The following INSL6 variants were observed in gnomAD, a reference collection of about 807,000 sequenced individuals.
INSL6 encodes insulin like 6, also known as insulin-like peptide INSL6.
INSL6 carries 16 observed loss-of-function variants against 9.4 expected under a neutral mutation model. The observed-to-expected ratio is 1.70, with a 90% CI of 1.15 to 2.59. The LOEUF (loss-of-function observed/expected upper bound fraction) is 2.59, where lower values mean the gene tolerates loss of function less well. INSL6 is among the 30% of genes most tolerant of loss of function. The pLI is 0.00. For synonymous variants in INSL6, 154 were observed against 96.9 expected, an observed-to-expected ratio of 1.59 and a Z score of -3.46; for missense variants, 391 against 257.3, an observed-to-expected ratio of 1.52 and a Z score of -3.56.
At chr9:5,104,206 A>T in the INSL6 span, among the ~76,000 whole-genome samples, 1 of 152,172 alleles carries the variant, frequency 6.6e-6, no homozygotes, top group Non-Finnish European at 1.5e-5. Context: ...AATCAAATAG[A>T]GGGAATAAAA....
the INSL6 span, chr9:5,111,711 TGCACCA>T: frequency 2.3e-6 from 1 of 432,382 alleles, no homozygotes; most frequent in Non-Finnish European, 4.6e-6. Context: ...TTTGGCGGCC[TGCACCA>T]GCACGAGCGC....
the INSL6 span, among the ~76,000 whole-genome samples, chr9:5,117,833 CGTTGT>C: frequency 1.3e-5 from 2 of 152,014 alleles, no homozygotes; most frequent in African/African-American, 4.8e-5. Flanking sequence ...ACAGAGGGGA[CGTTGT>C]ATTAATGAGA....
intron 1 of INSL6, among the ~76,000 whole-genome samples, chr9:5,174,013 C>G (rs554927435): frequency 6.6e-6 from 1 of 152,308 alleles, no homozygotes; most frequent in Non-Finnish European, 1.5e-5. Context: ...CCCTTTCTAC[C>G]TATTTCTACA....
chr9:5,098,512 C>T, the INSL6 span: 7 of 152,080 alleles, frequency 4.6e-5, no homozygotes, highest in Non-Finnish European at 1.0e-4. Flanking sequence ...ACCACAGATG[C>T]CCAAGAAATT....
chr9:5,126,830 A>G lies in INSL6; in HGVS notation c.*11-2319T>C, dbSNP rs535968745. ...CATTCTGAGACCAAAGTAGATTTACAGAACAAAGTTTTATATTTCACATTG... is the reference window on the plus strand; with the variant it reads ...CATTCTGAGACCAAAGTAGATTTACGGAACAAAGTTTTATATTTCACATTG... On this transcript the variant is annotated intron_variant, in intron 3 of 3. Coordinates refer to the INSL6 transcript ENST00000649639. 21 of 1,283,844 alleles carry G rather than the reference A, an allele frequency of 1.6e-5. No individual in the cohort carries two copies. The African/African-American group carries it at 2.2e-4, about 14-fold the overall frequency. 79.5% of individuals were successfully genotyped at this position (1,283,844 alleles called of 1,614,324 possible).
At chr9:5,091,144 G>A in the INSL6 span, 9 of 334,452 alleles carry the variant, frequency 2.7e-5, no homozygotes, top group Non-Finnish European at 3.2e-5. Flanking sequence ...AGGGATTGTA[G>A]GTTTTTCTTC....
At chr9:5,086,445 T>C in the INSL6 span, among the ~76,000 whole-genome samples, 1 of 152,244 alleles carries the variant, frequency 6.6e-6, no homozygotes, top group African/African-American at 2.4e-5. Context: ...ATCAGCATCA[T>C]TCTCAATCTT....
chr9:5,077,682 G>A, the INSL6 span: 1 of 645,458 alleles, frequency 1.5e-6, no homozygotes, highest in Non-Finnish European at 2.4e-6. Flanking sequence ...GTAATTGGAT[G>A]CCAATTCATG....
the INSL6 span, among the ~76,000 whole-genome samples, chr9:5,105,029 A>G: frequency 1.3e-5 from 2 of 152,238 alleles, no homozygotes; most frequent in Non-Finnish European, 1.5e-5. Context: ...CACCATTCCT[A>G]TTCAACACTG....
chr9:5,053,224 A>G, the INSL6 span, among the ~76,000 whole-genome samples: 1 of 152,052 alleles, frequency 6.6e-6, no homozygotes, highest in African/African-American at 2.4e-5. Context: ...TCTAATGACT[A>G]CTGATGTTTG....
At chr9:5,146,341 G>A (rs1824602142) in intron 2 of INSL6, among the ~76,000 whole-genome samples, 1 of 152,140 alleles carries the variant, frequency 6.6e-6, no homozygotes, top group South Asian at 2.1e-4. Context: ...TGTGGCAGCT[G>A]CATCGGAGTG....
chr9:5,156,550 A>C (rs1824817264), intron 2 of INSL6, among the ~76,000 whole-genome samples: 1 of 152,302 alleles, frequency 6.6e-6, no homozygotes, highest in African/African-American at 2.4e-5. Flanking sequence ...ATTAAAAAAA[A>C]ATTCTCAGCA....
the INSL6 span, among the ~76,000 whole-genome samples, chr9:5,020,334 G>A: frequency 6.6e-6 from 1 of 152,162 alleles, no homozygotes; most frequent in Non-Finnish European, 1.5e-5. Context: ...CGATCCCAAG[G>A]CCCCCAGATA....
chr9:5,091,125 C>G, the INSL6 span: 2 of 394,662 alleles, frequency 5.1e-6, no homozygotes, highest in Non-Finnish European at 4.5e-6. Context: ...TAAGTGTTGT[C>G]TTATTTATAG....
intron 1 of INSL6, among the ~76,000 whole-genome samples, chr9:5,184,517 T>C (rs999020641): frequency 5.9e-5 from 9 of 152,202 alleles, no homozygotes; most frequent in Non-Finnish European, 1.0e-4. Flanking sequence ...ATTAAACACA[T>C]GCGATGTGCT....
At chr9:5,024,281 A>G in the INSL6 span, among the ~76,000 whole-genome samples, 3 of 152,150 alleles carry the variant, frequency 2.0e-5, no homozygotes, top group Non-Finnish European at 4.4e-5. Context: ...TTTGGCTTGT[A>G]AGATTCATTT....
the INSL6 span, among the ~76,000 whole-genome samples, chr9:5,116,883 G>A: frequency 1.3e-5 from 2 of 152,196 alleles, no homozygotes; most frequent in Admixed American, 1.3e-4. Context: ...ATAAGTGTAA[G>A]TGCAATAATT....
the INSL6 span, among the ~76,000 whole-genome samples, chr9:5,038,636 T>C: frequency 7.3e-5 from 11 of 150,850 alleles, no homozygotes; most frequent in Non-Finnish European, 1.5e-4. Context: ...ATTTGCAGAG[T>C]ATACGCTGGT....
the INSL6 span, chr9:5,080,750 CTAAT>C: frequency 8.1e-6 from 10 of 1,227,096 alleles, no homozygotes; most frequent in Non-Finnish European, 1.1e-5. Context: ...TGAATCATTA[CTAAT>C]TTTTAATTCC....
Sources: allele counts gnomAD v4.1 joint callset (sites outside exome capture counted in the v4.1 genomes callset), GRCh38; gene constraint gnomAD v4.1.1; transcripts MANE v1.5; gene names NCBI Gene and HGNC (gene_info 2026-07-23, HGNC 2026-07-21).